The following SLC8A1 variants were observed in gnomAD, a reference collection of about 807,000 sequenced individuals.
The protein encoded by SLC8A1 is sodium/calcium exchanger 1.
In SLC8A1, 18 loss-of-function variants were observed where a neutral mutation model predicts 68.3. The observed-to-expected ratio is 0.26, with a 90% CI of 0.18 to 0.39. SLC8A1 has a LOEUF of 0.39. Among genes scored for constraint, SLC8A1 ranks in the 10% least tolerant of loss-of-function variants. The probability of loss-of-function intolerance (pLI) is 1.00; values close to 1 mark genes in which losing one functional copy is unlikely to be tolerated. For missense variants in SLC8A1, 985 were observed against 1,156.7 expected, an observed-to-expected ratio of 0.85 and a Z score of 2.15; for synonymous variants, 475 against 415.5, an observed-to-expected ratio of 1.14 and a Z score of -1.74.
intron 2 of SLC8A1, among the ~76,000 whole-genome samples, chr2:40,272,271 G>A (rs1190994378): frequency 6.6e-6 from 1 of 152,080 alleles, no homozygotes; most frequent in Non-Finnish European, 1.5e-5. Flanking sequence ...ACTTAAGCTA[G>A]GTCCATAATA....
intron 1 of SLC8A1, among the ~76,000 whole-genome samples, chr2:40,475,021 A>T (rs1198664567): frequency 6.6e-6 from 1 of 152,170 alleles, no homozygotes; most frequent in Admixed American, 6.5e-5. Context: ...CATTGTTTTA[A>T]GTTTAACTTA....
intron 2 of SLC8A1, among the ~76,000 whole-genome samples, chr2:40,385,364 T>C (rs1183633624): frequency 2.0e-5 from 3 of 151,652 alleles, no homozygotes; most frequent in Non-Finnish European, 4.4e-5. Context: ...TTGTCTTGAA[T>C]ACTGGATTTA....
intron 2 of SLC8A1, among the ~76,000 whole-genome samples, chr2:40,188,845 C>T (rs1259469509): frequency 6.6e-6 from 1 of 152,186 alleles, no homozygotes; most frequent in Non-Finnish European, 1.5e-5. Flanking sequence ...TCTCTGTCTG[C>T]ATGTACTCTT....
chr2:40,368,582 C>T (rs1677005179), intron 2 of SLC8A1, among the ~76,000 whole-genome samples: 1 of 151,898 alleles, frequency 6.6e-6, no homozygotes, highest in African/African-American at 2.4e-5. Context: ...TAAATATTTT[C>T]AATTACTGTG....
intron 2 of SLC8A1, among the ~76,000 whole-genome samples, chr2:40,343,131 T>C (rs1340730627): frequency 6.6e-6 from 1 of 152,140 alleles, no homozygotes; most frequent in African/African-American, 2.4e-5. Context: ...TATGATTCAA[T>C]GTAAAACTTG....
intron 2 of SLC8A1, among the ~76,000 whole-genome samples, chr2:40,198,623 C>T (rs953272684): frequency 6.6e-6 from 1 of 151,782 alleles, no homozygotes; most frequent in African/African-American, 2.4e-5. Context: ...CACAGTAATA[C>T]AGATAACAAG....
chr2:40,456,327 A>AAAAAAAAAAAAAAAAAAAAT (rs1703021965), upstream of SLC8A1, among the ~76,000 whole-genome samples: 1 of 147,710 alleles, frequency 6.8e-6, no homozygotes, highest in African/African-American at 2.5e-5. Context: ...AAAAAAAAAA[A>AAAAAAAAAAAAAAAAAAAAT]AAAAAAAAAA....
chr2:40,342,879 T>C (rs1175160588), intron 2 of SLC8A1, among the ~76,000 whole-genome samples: 8 of 152,174 alleles, frequency 5.3e-5, no homozygotes. Context: ...CTTGATACTG[T>C]GTTAAACGTA....
intron 1 of SLC8A1, among the ~76,000 whole-genome samples, chr2:40,438,406 G>A (rs1315471408): frequency 6.6e-6 from 1 of 152,096 alleles, no homozygotes; most frequent in Admixed American, 6.6e-5. Flanking sequence ...CCCTTCCTAT[G>A]TTTCTAGTTC....
intron 2 of SLC8A1, among the ~76,000 whole-genome samples, chr2:40,284,005 G>C (rs988690013): frequency 6.6e-6 from 1 of 152,136 alleles, no homozygotes; most frequent in Admixed American, 6.6e-5. Flanking sequence ...AGTGGTTTAG[G>C]AGAAGCAGTG....
chr2:40,422,109 G>C (rs1388706719), intron 2 of SLC8A1, among the ~76,000 whole-genome samples: 1 of 152,056 alleles, frequency 6.6e-6, no homozygotes, highest in Admixed American at 6.6e-5. Flanking sequence ...CAGTTACGAA[G>C]ATTATCTCAT....
At chr2:40,506,295 A>C (rs913030025) in intron 1 of SLC8A1, among the ~76,000 whole-genome samples, 10 of 151,944 alleles carry the variant, frequency 6.6e-5, no homozygotes, top group Non-Finnish European at 4.4e-5. Flanking sequence ...ACAATTATCC[A>C]GTAATTTGGG....
intron 2 of SLC8A1, among the ~76,000 whole-genome samples, chr2:40,332,966 T>A (rs755477943): frequency 6.6e-6 from 1 of 152,246 alleles, no homozygotes; most frequent in Non-Finnish European, 1.5e-5. Flanking sequence ...TTTTCCTTTC[T>A]GCACAATGCA....
At chr2:40,417,429 T>C (rs1466063467) in intron 2 of SLC8A1, among the ~76,000 whole-genome samples, 1 of 152,216 alleles carries the variant, frequency 6.6e-6, no homozygotes, top group Non-Finnish European at 1.5e-5. Flanking sequence ...TTCAATTTAT[T>C]ACAACATTTT....
intron 2 of SLC8A1, among the ~76,000 whole-genome samples, chr2:40,186,942 T>G (rs1298998111): frequency 6.6e-6 from 1 of 152,232 alleles, no homozygotes; most frequent in Non-Finnish European, 1.5e-5. Context: ...AAAAATTATT[T>G]TGTAAAGAGC....
intron 1 of SLC8A1, among the ~76,000 whole-genome samples, chr2:40,477,148 A>G (rs573307672): frequency 6.6e-6 from 1 of 152,358 alleles, no homozygotes; most frequent in East Asian, 1.9e-4. Flanking sequence ...TTCTGAAAAC[A>G]GAAACAGAAA....
intron 2 of SLC8A1, among the ~76,000 whole-genome samples, chr2:40,292,088 A>G (rs1172039715): frequency 6.6e-6 from 1 of 152,162 alleles, no homozygotes; most frequent in Admixed American, 6.6e-5. Flanking sequence ...TAGAAACCAC[A>G]TAAAGAGTAT....
chr2:40,485,368 T>C (rs772805059), intron 1 of SLC8A1, among the ~76,000 whole-genome samples: 5 of 152,172 alleles, frequency 3.3e-5, no homozygotes, highest in African/African-American at 9.7e-5. Flanking sequence ...GGTAAAAGAA[T>C]AGTGGGCATT....
intron 2 of SLC8A1, among the ~76,000 whole-genome samples, chr2:40,403,099 C>T (rs1189570226): frequency 6.6e-6 from 1 of 152,068 alleles, no homozygotes; most frequent in African/African-American, 2.4e-5. Flanking sequence ...CCACATGAAA[C>T]AATTTTGGAA....
Sources: allele counts gnomAD v4.1 joint callset (sites outside exome capture counted in the v4.1 genomes callset), GRCh38; gene constraint gnomAD v4.1.1; transcripts MANE v1.5; gene names NCBI Gene and HGNC (gene_info 2026-07-23, HGNC 2026-07-21).